Variants in NRK observed in about 807,000 individuals in gnomAD.
The protein encoded by NRK is Nik related kinase.
In NRK, 67 loss-of-function variants were observed where a neutral mutation model predicts 125.2. The observed-to-expected ratio is 0.54, with a 90% CI of 0.44 to 0.66. NRK has a LOEUF of 0.66. Ranked by LOEUF, NRK falls within the 30% of genes least tolerant of loss-of-function variation. The pLI is 0.00. For synonymous variants in NRK, 458 were observed against 429.0 expected (o/e 1.07, Z -0.84); for missense variants, 1,224 against 1,192.9 (o/e 1.03, Z -0.38).
At chrX:105,828,091 C>T (rs1209095994) in intron 1 of NRK, among the ~76,000 whole-genome samples, 1 of 112,040 alleles carries the variant, frequency 8.9e-6, no homozygotes, top group Admixed American at 9.5e-5. Context: ...GCGTTGTTAA[C>T]CTAGTATTAA....
chrX:105,946,046 C>T lies in NRK; in HGVS notation c.4203+31C>T, dbSNP rs768366547. 6 of 1,176,897 alleles carry T rather than the reference C, an allele frequency of 5.1e-6. No homozygotes were observed. The South Asian group carries it at 5.6e-5, about 11-fold the overall frequency. ...GAACTTGAAGACAGCAAACAGAATG[C>T]AGGGTCATACAAGGCTCTTATGATC... On this transcript the variant is annotated intron_variant, in intron 25 of 28. Transcript: ENST00000243300.
At chrX:105,840,855 GTATA>G (rs752523135) in intron 2 of NRK, among the ~76,000 whole-genome samples, 1 of 99,914 alleles carries the variant, frequency 1.0e-5, no homozygotes, top group Admixed American at 1.0e-4. Flanking sequence ...GTGTGTGTGT[GTATA>G]TATATATATA....
Position 105,906,589 on chromosome X carries a change from G to T in NRK, c.1021G>T (p.Gly341Ter). The change falls in exon 11 of 29, where the codon GGA (glycine) becomes TGA (stop). Residue 341 changes from glycine (G) to a stop codon, truncating the protein, a stop_gained and splice_region_variant. Transcript: ENST00000243300. LOFTEE classifies it high-confidence loss of function. ...TGIIKKRQKKGIPLIFEREEA... is the reference protein window; with the variant it reads ...TGIIKKRQKK Reference sequence around the variant, plus strand: ...AATCATTAAAAAAAGACAGAAAAAAGGTAGAATCTGTTAAGTTTTATTTTA... The same window carrying T: ...AATCATTAAAAAAAGACAGAAAAAATGTAGAATCTGTTAAGTTTTATTTTA... The T allele has an allele frequency of 1.0e-6, 1 of 990,600 alleles. No homozygotes were observed. The highest frequency in any genetic ancestry group is 3.1e-5 in the South Asian group (1 of 32,668). The allele number at this position is 990,600 out of a possible 1,213,427, so 81.6% of individuals were successfully genotyped here. A position where few individuals can be genotyped will look rare whatever the true frequency, so the allele number is the denominator to read the frequency against.
chrX:105,932,833 G>A (rs1451403923), intron 19 of NRK, among the ~76,000 whole-genome samples: 1 of 111,226 alleles, frequency 9.0e-6, no homozygotes, highest in Non-Finnish European at 1.9e-5. Context: ...ACTTCCCAAG[G>A]CAGAGTTATA....
chrX:105,944,547 A>G (rs2040788448), intron 24 of NRK, among the ~76,000 whole-genome samples: 1 of 111,651 alleles, frequency 9.0e-6, no homozygotes, highest in Non-Finnish European at 1.9e-5. Flanking sequence ...TGTAGTCAAT[A>G]TGAAGACCTT....
intron 8 of NRK, among the ~76,000 whole-genome samples, chrX:105,899,916 C>T (rs1332818932): frequency 9.2e-6 from 1 of 109,135 alleles, no homozygotes; most frequent in East Asian, 2.9e-4. Context: ...TGCAGTGAGC[C>T]GAGATTACAC....
intron 2 of NRK, among the ~76,000 whole-genome samples, chrX:105,841,924 G>A (rs1199070230): frequency 1.8e-5 from 2 of 110,711 alleles, no homozygotes; most frequent in Non-Finnish European, 3.8e-5. Flanking sequence ...TCTCACAAAC[G>A]AGCAAACAGG....
chrX:105,891,540 T>C (rs766047543), intron 5 of NRK, among the ~76,000 whole-genome samples: 1 of 111,160 alleles, frequency 9.0e-6, no homozygotes, highest in Admixed American at 9.6e-5. Context: ...CTTCAGAAAA[T>C]AGGACAGTGG....
chrX:105,866,059 C>T (rs1399116052), intron 2 of NRK, among the ~76,000 whole-genome samples: 2 of 107,679 alleles, frequency 1.9e-5, no homozygotes, highest in Non-Finnish European at 3.8e-5. Context: ...TTTCATGGAT[C>T]GGTTTTAATC....
At chrX:105,952,929 G>GT (rs745552833) in intron 27 of NRK, 105 bp from the exon 28 acceptor site, 43 of 677,768 alleles carry the variant, frequency 6.3e-5, no homozygotes, top group Non-Finnish European at 8.0e-5. Context: ...AACCTGAACT[G>GT]TAACAATGAG....
intron 2 of NRK, among the ~76,000 whole-genome samples, chrX:105,839,635 A>C (rs2147650786): frequency 8.9e-6 from 1 of 112,486 alleles, no homozygotes; most frequent in African/African-American, 3.2e-5. Context: ...AAAATTTAAA[A>C]AATACATTTA....
chrX:105,927,509 A>G (rs2040539759), intron 19 of NRK, among the ~76,000 whole-genome samples: 1 of 111,377 alleles, frequency 9.0e-6, no homozygotes, highest in South Asian at 3.8e-4. Flanking sequence ...GACTTCCAGA[A>G]CTAAGTTGAA....
intron 8 of NRK, 136 bp downstream of exon 8, chrX:105,898,850 G>A: frequency 2.2e-6 from 1 of 460,772 alleles, no homozygotes; most frequent in Admixed American, 5.1e-5. Flanking sequence ...GGAAATACAA[G>A]CCTCTATTTC....
At chrX:105,877,435 C>T (rs1056706102) in intron 2 of NRK, among the ~76,000 whole-genome samples, 2 of 111,381 alleles carry the variant, frequency 1.8e-5, no homozygotes, top group Non-Finnish European at 3.8e-5. Flanking sequence ...ATATTAATTT[C>T]TTCATTTTGA....
At chrX:105,822,406 A>G (rs1324673965), upstream of NRK, 1 of 160,971 alleles carries the variant, frequency 6.2e-6, no homozygotes, top group East Asian at 2.1e-4. Flanking sequence ...TGGCCCTCCT[A>G]GCCTGCCTCC....
At chrX:105,936,021 A>G (rs2040660575) in intron 21 of NRK, among the ~76,000 whole-genome samples, 1 of 110,319 alleles carries the variant, frequency 9.1e-6, no homozygotes. Context: ...GACTTTTTAA[A>G]ATCCTTTTTT....
intron 1 of NRK, among the ~76,000 whole-genome samples, chrX:105,826,262 T>G (rs1215046369): frequency 2.6e-5 from 2 of 77,621 alleles, no homozygotes; most frequent in African/African-American, 1.1e-4. Context: ...TAATATATAT[T>G]TCATATATAA....
intron 11 of NRK, among the ~76,000 whole-genome samples, chrX:105,906,923 T>C (rs2040228184): frequency 9.1e-6 from 1 of 110,306 alleles, no homozygotes; most frequent in African/African-American, 3.3e-5. Flanking sequence ...CTAAATAAAA[T>C]AAATAAAAGA....
Position 105,943,955 on chromosome X carries a change from A to G in NRK, c.3973A>G (p.Thr1325Ala), listed in dbSNP as rs1239049758. Residue 1325 changes from threonine (T) to alanine (A), a missense_variant, in exon 24 of 29, where the codon ACA becomes GCA. Physicochemically the swap from Thr to Ala is moderately conservative, Grantham distance 58. Coordinates refer to ENST00000243300, the MANE Select transcript of NRK (RefSeq NM_198465.4). ...EHFSVLQHEETTYIAIALKSS... is the reference protein window; with the variant it reads ...EHFSVLQHEEATYIAIALKSS... ...TATCATTATAGTCCAACATGAAGAA[A>G]CAACATATATTGCAATTGCTTTGAA... is the stretch of plus-strand genomic sequence containing the variant. 2.6e-6 allele frequency: 3 copies of G among 1,145,212 alleles called. No individual in the cohort carries two copies. The highest frequency in any genetic ancestry group is 3.6e-6 in the Non-Finnish European group (3 of 844,311). The allele number at this position is 1,145,212 out of a possible 1,213,427, so 94.4% of individuals were successfully genotyped here.
Sources: allele counts gnomAD v4.1 joint callset (sites outside exome capture counted in the v4.1 genomes callset), GRCh38; gene constraint gnomAD v4.1.1; transcripts MANE v1.5; gene names NCBI Gene and HGNC (gene_info 2026-07-23, HGNC 2026-07-21).